Variants in DIP2C observed in about 807,000 individuals in gnomAD.
DIP2C encodes DIP2 acetate--CoA ligase C (putative).
DIP2C carries 33 observed loss-of-function variants against 192.4 expected under a neutral mutation model. That is an observed-to-expected ratio of 0.17 (90% CI 0.13 to 0.23). The LOEUF (loss-of-function observed/expected upper bound fraction) is 0.23, where lower values mean the gene tolerates loss of function less well. Ranked by LOEUF, DIP2C falls within the 10% of genes least tolerant of loss-of-function variation. The probability of loss-of-function intolerance (pLI) is 1.00; values close to 1 mark genes in which losing one functional copy is unlikely to be tolerated. For missense variants in DIP2C, 1,537 were observed against 2,110.1 expected (o/e 0.73, Z 5.32); for synonymous variants, 979 against 864.1 (o/e 1.13, Z -2.33).
chr10:475,559 T>TACA (rs1241002478), intron 2 of DIP2C, among the ~76,000 whole-genome samples: 3 of 152,158 alleles, frequency 2.0e-5, no homozygotes, highest in Non-Finnish European at 4.4e-5. Flanking sequence ...TCACAGACCT[T>TACA]ACATGTCTGA....
chr10:552,460 A>T (rs1848638466), intron 1 of DIP2C, among the ~76,000 whole-genome samples: 1 of 152,210 alleles, frequency 6.6e-6, no homozygotes, highest in Non-Finnish European at 1.5e-5. Context: ...GAATACATTA[A>T]CTATATTTAA....
chr10:674,771 A>AATAAAT (rs1554772081), intron 1 of DIP2C, among the ~76,000 whole-genome samples: 4 of 27,702 alleles, frequency 1.4e-4, no homozygotes, highest in South Asian at 2.0e-3. Context: ...CTCCATCTCA[A>AATAAAT]ATATATATAT....
intron 1 of DIP2C, among the ~76,000 whole-genome samples, chr10:508,092 G>T (rs1675739203): frequency 6.6e-6 from 1 of 151,802 alleles, no homozygotes; most frequent in Non-Finnish European, 1.5e-5. Flanking sequence ...CAGCACCTCT[G>T]CTCAGCCACC....
intron 35 of DIP2C, chr10:282,191 C>T (rs1197562056): frequency 6.6e-6 from 1 of 152,452 alleles, no homozygotes; most frequent in African/African-American, 2.4e-5. Context: ...GGCCTCTGCC[C>T]CCTACAGCAG....
At chr10:486,719 T>C (rs893271694) in intron 1 of DIP2C, among the ~76,000 whole-genome samples, 189 bp from the exon 2 acceptor site, 1 of 152,214 alleles carries the variant, frequency 6.6e-6, no homozygotes, top group Non-Finnish European at 1.5e-5. Context: ...CCACAGCATG[T>C]AAGTCACTAA....
chr10:558,462 T>TG (rs1849025957), intron 1 of DIP2C, among the ~76,000 whole-genome samples: 1 of 152,070 alleles, frequency 6.6e-6, no homozygotes, highest in Non-Finnish European at 1.5e-5. Context: ...CACCACGAGC[T>TG]GGGGGAACAA....
chr10:687,743 G>A (rs1477383924), intron 1 of DIP2C, among the ~76,000 whole-genome samples: 6 of 152,150 alleles, frequency 3.9e-5, no homozygotes, highest in African/African-American at 7.2e-5. Context: ...GGCAAGTGTC[G>A]TCACCTCAAA....
chr10:504,889 G>C (rs1039289941), intron 1 of DIP2C, among the ~76,000 whole-genome samples: 3 of 152,138 alleles, frequency 2.0e-5, no homozygotes, highest in Admixed American at 6.5e-5. Context: ...GTCATACTCA[G>C]AGAAGAGGTG....
At chr10:616,184 C>T (rs370861904) in intron 1 of DIP2C, among the ~76,000 whole-genome samples, 1 of 152,154 alleles carries the variant, frequency 6.6e-6, no homozygotes, top group African/African-American at 2.4e-5. Context: ...GTACTAAATT[C>T]CTCGATTTTA....
intron 1 of DIP2C, among the ~76,000 whole-genome samples, chr10:517,372 G>A (rs962048658): frequency 2.0e-5 from 3 of 152,112 alleles, no homozygotes; most frequent in Admixed American, 6.5e-5. Context: ...GAGGGGAGTC[G>A]AGGGCAGTCC....
rs763423347 is a variant in DIP2C at position 310,105 on chromosome 10, A to C, written c.3925-13T>G. The C allele has an allele frequency of 1.3e-5, 21 of 1,613,896 alleles. No homozygotes were observed. In the South Asian group the frequency reaches 2.2e-4, roughly 17 times the overall value. On this transcript the variant is annotated splice_polypyrimidine_tract_variant and intron_variant, in intron 31 of 36. Transcript: ENST00000280886. Reference sequence around the variant, plus strand: ...GTCCTGAGGTTCCCTGCAAGCAACAACAGAGTGGTTAACTCAAGTTTACAT... The same window carrying C: ...GTCCTGAGGTTCCCTGCAAGCAACACCAGAGTGGTTAACTCAAGTTTACAT...
chr10:343,366 C>G (rs1046813863), intron 28 of DIP2C, among the ~76,000 whole-genome samples: 1 of 152,192 alleles, frequency 6.6e-6, no homozygotes, highest in African/African-American at 2.4e-5. Context: ...AGCACAGAGC[C>G]TTGTAATAAC....
chr10:547,320 C>G (rs1176035529), intron 1 of DIP2C, among the ~76,000 whole-genome samples: 1 of 152,188 alleles, frequency 6.6e-6, no homozygotes, highest in African/African-American at 2.4e-5. Context: ...CATCAGAAAG[C>G]CCTCCCAGGC....
At chr10:565,403 CAG>C (rs924149434) in intron 1 of DIP2C, among the ~76,000 whole-genome samples, 2 of 146,176 alleles carry the variant, frequency 1.4e-5, no homozygotes, top group Middle Eastern at 3.4e-3. Context: ...CCCCATAATG[CAG>C]AGTCAAACTT....
chr10:379,716 C>A (rs570966730), intron 17 of DIP2C, among the ~76,000 whole-genome samples: 151 of 152,374 alleles, frequency 9.9e-4, no homozygotes, highest in African/African-American at 3.5e-3. Context: ...TATTTGCATT[C>A]TACTGCAGAT....
chr10:561,111 C>T (rs1211570134), intron 1 of DIP2C, among the ~76,000 whole-genome samples: 1 of 152,148 alleles, frequency 6.6e-6, no homozygotes, highest in Non-Finnish European at 1.5e-5. Flanking sequence ...TCATGTCTCC[C>T]TAAAAGGTAC....
At position 384,126 on chromosome 10, in the gene DIP2C, A is replaced by G; in HGVS notation, c.1777T>C (p.Ser593Pro). The change falls in exon 16 of 37, where the codon TCG (serine) becomes CCG (proline). Residue 593 changes from serine (S) to proline (P), a missense_variant. Ser to Pro is a moderately conservative substitution (Grantham distance 74). This residue lies in a region of DIP2C where 677 missense variants were observed against 989.9 expected (regional missense o/e 0.68). Transcript: ENST00000280886. ...QYKAKVACVK[S>P]RDMHWALVAH... ...ACTAATGCCCAATGCATATCCCTCG[A>G]TTTCACACACGCCACTTTTGCTAAA... 6.2e-7 allele frequency: 1 copy of G among 1,609,936 alleles called. No individual in the cohort carries two copies. The highest frequency in any genetic ancestry group is 8.5e-7 in the Non-Finnish European group (1 of 1,179,194).
At chr10:564,447 C>T (rs1849361935) in intron 1 of DIP2C, among the ~76,000 whole-genome samples, 2 of 152,140 alleles carry the variant, frequency 1.3e-5, no homozygotes, top group African/African-American at 4.8e-5. Context: ...AACCATTGTT[C>T]CACATATTTT....
At chr10:282,428 C>T (rs2132140792) in intron 35 of DIP2C, among the ~76,000 whole-genome samples, 1 of 152,318 alleles carries the variant, frequency 6.6e-6, no homozygotes, top group East Asian at 1.9e-4. Flanking sequence ...CCTGTTGGGC[C>T]AGGCCATTGT....
Sources: gnomAD v4.1 joint callset for allele counts (sites outside exome capture counted in the v4.1 genomes callset) on GRCh38, gnomAD v4.1.1 for gene constraint, gnomAD v4.1.1 regional missense constraint, MANE v1.5 for transcripts, NCBI Gene and HGNC (gene_info 2026-07-23, HGNC 2026-07-21) for gene names.